COL21A1: variants seen among roughly 807,000 people sequenced by gnomAD.
The protein encoded by COL21A1 is collagen type XXI alpha 1 chain, also known as collagen alpha-1(XXI) chain.
Under a neutral mutation model 137.9 loss-of-function variants are expected in COL21A1, and 149 were observed. That is an observed-to-expected ratio of 1.08 (90% CI 0.95 to 1.24). COL21A1 has a LOEUF of 1.24. Among genes scored for constraint, COL21A1 ranks in the 50% most tolerant of loss-of-function variants. COL21A1 has a pLI of 0.00. For synonymous variants in COL21A1, 456 were observed against 391.5 expected, an observed-to-expected ratio of 1.16 and a Z score of -1.95; for missense variants, 1,167 against 1,158.4, an observed-to-expected ratio of 1.01 and a Z score of -0.11.
At chr6:56,262,436 C>T (rs1763301037) in intron 1 of COL21A1, among the ~76,000 whole-genome samples, 2 of 151,898 alleles carry the variant, frequency 1.3e-5, no homozygotes, top group Admixed American at 1.3e-4. Context: ...GTATGAGCTC[C>T]CTAGAAAACA....
chr6:56,172,779 A>G (rs1777166602), intron 3 of COL21A1, among the ~76,000 whole-genome samples: 1 of 152,150 alleles, frequency 6.6e-6, no homozygotes, highest in Non-Finnish European at 1.5e-5. Context: ...TCAGTAACAA[A>G]GGACAGGTAG....
intron 1 of COL21A1, among the ~76,000 whole-genome samples, chr6:56,366,431 G>T (rs758488634): frequency 6.6e-6 from 1 of 152,020 alleles, no homozygotes; most frequent in Non-Finnish European, 1.5e-5. Context: ...CTCAGAAGCT[G>T]AGAATCAGGA....
At chr6:56,204,056 C>T (rs562882125) in intron 1 of COL21A1, among the ~76,000 whole-genome samples, 6 of 152,234 alleles carry the variant, frequency 3.9e-5, no homozygotes, top group East Asian at 1.9e-4. Flanking sequence ...TGGGCAGATA[C>T]CCCACTAGCT....
chr6:56,068,078 T>C (rs1233763889), intron 22 of COL21A1, among the ~76,000 whole-genome samples: 1 of 151,646 alleles, frequency 6.6e-6, no homozygotes, highest in Non-Finnish European at 1.5e-5. Context: ...ATCCCAAACA[T>C]ATATTCGTAG....
intron 9 of COL21A1, among the ~76,000 whole-genome samples, chr6:56,158,523 C>T (rs570195356): frequency 3.9e-5 from 6 of 151,968 alleles, no homozygotes; most frequent in Admixed American, 1.3e-4. Flanking sequence ...CCTCCCTCCT[C>T]AACCTCCCAA....
At chr6:56,101,693 A>G (rs1770471783) in intron 16 of COL21A1, among the ~76,000 whole-genome samples, 168 bp from the exon 17 acceptor site, 1 of 152,208 alleles carries the variant, frequency 6.6e-6, no homozygotes, top group Non-Finnish European at 1.5e-5. Context: ...TAACTTTTTC[A>G]GAAATTCATA....
At chr6:56,089,775 T>C (rs1311646997) in intron 17 of COL21A1, among the ~76,000 whole-genome samples, 1 of 152,212 alleles carries the variant, frequency 6.6e-6, no homozygotes, top group East Asian at 1.9e-4. Flanking sequence ...GGATATGTTA[T>C]CCATTCTAAG....
chr6:56,315,940 G>T (rs543010353), intron 1 of COL21A1, among the ~76,000 whole-genome samples: 1 of 152,284 alleles, frequency 6.6e-6, no homozygotes, highest in East Asian at 1.9e-4. Flanking sequence ...ACTTCACAAA[G>T]CATGTGTCTA....
At chr6:56,360,928 C>T (rs1001745480) in intron 1 of COL21A1, among the ~76,000 whole-genome samples, 6 of 152,046 alleles carry the variant, frequency 3.9e-5, no homozygotes, top group African/African-American at 1.2e-4. Context: ...GGGGAAACTC[C>T]GTCTCTACTA....
intron 1 of COL21A1, among the ~76,000 whole-genome samples, chr6:56,315,062 T>C (rs756001907): frequency 1.3e-5 from 2 of 152,242 alleles, no homozygotes; most frequent in African/African-American, 4.8e-5. Flanking sequence ...ATAAATGCTA[T>C]AAACATTTTG....
At chr6:56,264,444 T>C (rs1219179244) in intron 1 of COL21A1, among the ~76,000 whole-genome samples, 4 of 152,122 alleles carry the variant, frequency 2.6e-5, no homozygotes, top group Non-Finnish European at 4.4e-5. Context: ...GGATGTTTAT[T>C]CCTATCTACC....
intron 22 of COL21A1, among the ~76,000 whole-genome samples, chr6:56,067,773 T>C (rs1395887925): frequency 1.3e-5 from 2 of 151,742 alleles, no homozygotes; most frequent in African/African-American, 4.8e-5. Flanking sequence ...TTAGAAAACA[T>C]ATATTTCAAA....
chr6:56,326,817 C>T (rs1582785019), intron 1 of COL21A1, among the ~76,000 whole-genome samples: 1 of 151,988 alleles, frequency 6.6e-6, no homozygotes, highest in Non-Finnish European at 1.5e-5. Context: ...TCTATCTTGA[C>T]TAGATTAGGA....
chr6:56,235,382 C>T (rs1393239425), intron 1 of COL21A1, among the ~76,000 whole-genome samples: 1 of 151,900 alleles, frequency 6.6e-6, no homozygotes, highest in Admixed American at 6.6e-5. Context: ...CTCCAATTGG[C>T]TGATGTTCTG....
chr6:56,345,160 T>C (rs1158504753), intron 1 of COL21A1, among the ~76,000 whole-genome samples: 1 of 152,186 alleles, frequency 6.6e-6, no homozygotes, highest in African/African-American at 2.4e-5. Context: ...ATGATGGTTA[T>C]AATCCTTATC....
intron 1 of COL21A1, among the ~76,000 whole-genome samples, chr6:56,254,671 T>A (rs1782926912): frequency 6.6e-6 from 1 of 152,178 alleles, no homozygotes; most frequent in Admixed American, 6.5e-5. Flanking sequence ...AATATTGAAG[T>A]TATTTGGTGT....
chr6:56,059,891 A>G, intron 28 of COL21A1, 127 bp downstream of exon 28: 1 of 618,314 alleles, frequency 1.6e-6, no homozygotes. Context: ...CAAATTATTT[A>G]AAGACGAGCA....
intron 1 of COL21A1, among the ~76,000 whole-genome samples, chr6:56,294,060 A>C (rs1400764585): frequency 3.3e-5 from 5 of 152,192 alleles, no homozygotes; most frequent in Non-Finnish European, 7.4e-5. Flanking sequence ...ATGGCAATTT[A>C]GTTGAACCAG....
intron 1 of COL21A1, among the ~76,000 whole-genome samples, chr6:56,372,827 T>C (rs2093991885): frequency 6.6e-6 from 1 of 152,202 alleles, no homozygotes; most frequent in African/African-American, 2.4e-5. Flanking sequence ...GTCATTCTTT[T>C]GTTCTGTAGC....
Sources: gnomAD v4.1 joint callset for allele counts (sites outside exome capture counted in the v4.1 genomes callset) on GRCh38, gnomAD v4.1.1 for gene constraint, MANE v1.5 for transcripts, NCBI Gene and HGNC (gene_info 2026-07-23, HGNC 2026-07-21) for gene names.